The following TMEM266 variants were observed in gnomAD, a reference collection of about 807,000 sequenced individuals.
TMEM266 encodes the protein Hv1 related protein 1.
A neutral mutation model predicts 50.5 loss-of-function variants in TMEM266; 33 were observed. The observed-to-expected ratio is 0.65, with a 90% CI of 0.50 to 0.87. The LOEUF is 0.87. Among genes scored for constraint, TMEM266 ranks in the 40% least tolerant of loss-of-function variants. TMEM266 has a pLI of 0.00. For synonymous variants in TMEM266, 310 were observed against 292.3 expected (o/e 1.06, Z -0.62); for missense variants, 655 against 695.1 (o/e 0.94, Z 0.65).
At chr15:76,068,717 C>T (rs1351261562) in intron 1 of TMEM266, among the ~76,000 whole-genome samples, 4 of 152,194 alleles carry the variant, frequency 2.6e-5, no homozygotes, top group Non-Finnish European at 5.9e-5. Context: ...AGAACTTGAC[C>T]ATGCTGGCAT....
chr15:76,107,174 A>G (rs554229516), intron 1 of TMEM266, among the ~76,000 whole-genome samples: 3 of 152,382 alleles, frequency 2.0e-5, no homozygotes, highest in Admixed American at 6.5e-5. Context: ...TATTTAACCA[A>G]TATGTCCAGA....
chr15:76,159,123 C>T (rs1333314508), intron 4 of TMEM266, among the ~76,000 whole-genome samples: 1 of 152,220 alleles, frequency 6.6e-6, no homozygotes. Flanking sequence ...CACCCCCTCT[C>T]AGCCCTTCCC....
chr15:76,183,626 G>A (rs1021534282), intron 8 of TMEM266, among the ~76,000 whole-genome samples: 1 of 152,210 alleles, frequency 6.6e-6, no homozygotes, highest in Admixed American at 6.5e-5. Flanking sequence ...GAAGAAAACA[G>A]TCGCCTGCAC....
chr15:76,120,758 C>CAAAAAAA (rs60694791), intron 1 of TMEM266, among the ~76,000 whole-genome samples: 8 of 57,936 alleles, frequency 1.4e-4, no homozygotes, highest in African/African-American at 2.8e-4. Context: ...AAGACTGTCT[C>CAAAAAAA]AAAAAAAAAA....
At chr15:76,181,634 A>T (rs148770253) in intron 8 of TMEM266, 5 of 152,338 alleles carry the variant, frequency 3.3e-5, no homozygotes, top group African/African-American at 1.2e-4. Context: ...TCGCTGGTAC[A>T]CAGATGGAGT....
intron 1 of TMEM266, among the ~76,000 whole-genome samples, chr15:76,130,082 G>A (rs988949833): frequency 2.0e-5 from 3 of 151,332 alleles, no homozygotes; most frequent in Non-Finnish European, 2.9e-5. Context: ...AAGGTAGCCG[G>A]GTGTGGTGGC....
chr15:76,192,019 G>T lies in TMEM266; in HGVS notation c.820G>T (p.Ala274Ser). 6.4e-7 allele frequency: 1 copy of T among 1,573,816 alleles called. No individual in the cohort carries two copies. The highest frequency in any genetic ancestry group is 8.6e-7 in the Non-Finnish European group (1 of 1,165,236). The change falls in exon 9 of 11, where the codon GCT (alanine) becomes TCT (serine). Residue 274 changes from alanine to serine, a missense_variant. Ala to Ser is a moderately conservative substitution (Grantham distance 99). Transcript: ENST00000388942. ...CCTGGCGCAGCAGGACCTGGACCTGGCTGCCGAGCGCGAAGCGGCGCTCCA... is the reference window on the plus strand; with the variant it reads ...CCTGGCGCAGCAGGACCTGGACCTGTCTGCCGAGCGCGAAGCGGCGCTCCA...
At chr15:76,163,500 C>A (rs1334548638) in intron 5 of TMEM266, among the ~76,000 whole-genome samples, 2 of 152,182 alleles carry the variant, frequency 1.3e-5, no homozygotes, top group East Asian at 3.9e-4. Context: ...AGGGTCACTG[C>A]GCTTCACGTG....
intron 8 of TMEM266, among the ~76,000 whole-genome samples, chr15:76,189,351 GGGGA>G (rs57673397): frequency 7.0e-6 from 1 of 143,822 alleles, no homozygotes; most frequent in Admixed American, 6.8e-5. Context: ...GAAAGAAGGA[GGGGA>G]GGGAGGGAGG....
chr15:76,145,704 G>T (rs1185616706), intron 3 of TMEM266, among the ~76,000 whole-genome samples: 1 of 152,224 alleles, frequency 6.6e-6, no homozygotes, highest in Non-Finnish European at 1.5e-5. Context: ...CTTCAGTCTC[G>T]AATTAGCCCT....
chr15:76,096,418 T>C (rs2036921056), intron 1 of TMEM266, among the ~76,000 whole-genome samples: 1 of 152,074 alleles, frequency 6.6e-6, no homozygotes, highest in African/African-American at 2.4e-5. Context: ...AGTTGTGCAG[T>C]TTTGAGTGAG....
chr15:76,135,614 C>CA (rs2037576538), intron 2 of TMEM266, among the ~76,000 whole-genome samples: 1 of 152,202 alleles, frequency 6.6e-6, no homozygotes, highest in Non-Finnish European at 1.5e-5. Flanking sequence ...GGATTCCCCC[C>CA]ATAAACACCC....
At chr15:76,198,647 G>A (rs1404791223) in intron 9 of TMEM266, among the ~76,000 whole-genome samples, 1 of 152,252 alleles carries the variant, frequency 6.6e-6, no homozygotes, top group Non-Finnish European at 1.5e-5. Flanking sequence ...GTCCAGTCCA[G>A]CCTAATGGTA....
At chr15:76,154,493 C>G (rs1476858007) in intron 3 of TMEM266, among the ~76,000 whole-genome samples, 2 of 152,138 alleles carry the variant, frequency 1.3e-5, no homozygotes, top group African/African-American at 2.4e-5. Context: ...ACAGACCATT[C>G]TCCTCCTGTT....
chr15:76,174,269 A>G (rs570163601), intron 7 of TMEM266, among the ~76,000 whole-genome samples: 2 of 152,082 alleles, frequency 1.3e-5, no homozygotes, highest in East Asian at 3.9e-4. Context: ...TCCACAATTC[A>G]GCCAGGCATG....
chr15:76,075,776 G>A (rs574393416), intron 1 of TMEM266, among the ~76,000 whole-genome samples: 1 of 148,986 alleles, frequency 6.7e-6, no homozygotes, highest in East Asian at 2.0e-4. Flanking sequence ...TTTAAATTGG[G>A]GCTGTATTTT....
At chr15:76,155,074 T>C (rs885530) in intron 3 of TMEM266, among the ~76,000 whole-genome samples, 6 of 152,236 alleles carry the variant, frequency 3.9e-5, no homozygotes, top group African/African-American at 1.4e-4. Context: ...TTAACTTTAG[T>C]GACCTGTGAG....
At chr15:76,130,287 C>G (rs1210813582) in intron 1 of TMEM266, among the ~76,000 whole-genome samples, 1 of 132,600 alleles carries the variant, frequency 7.5e-6, no homozygotes, top group South Asian at 2.6e-4. Context: ...CCTGTAATTC[C>G]AGCACTTTGG....
chr15:76,149,341 A>G (rs71403594), intron 3 of TMEM266, among the ~76,000 whole-genome samples: 4,021 of 152,264 alleles, frequency 0.026, 90 homozygotes, highest in Non-Finnish European at 0.041. Context: ...ATCAGAGTTC[A>G]TGGATAAGGC....
Sources: gnomAD v4.1 joint callset for allele counts (sites outside exome capture counted in the v4.1 genomes callset) on GRCh38, gnomAD v4.1.1 for gene constraint, MANE v1.5 for transcripts, NCBI Gene and HGNC (gene_info 2026-07-23, HGNC 2026-07-21) for gene names.